The following OLFM4 variants were observed in gnomAD, a reference collection of about 807,000 sequenced individuals.
The protein encoded by OLFM4 is olfactomedin 4, also known as olfactomedin-4.
OLFM4 carries 22 observed loss-of-function variants against 25.5 expected under a neutral mutation model. The ratio of observed to expected loss-of-function variants is 0.86; its 90% CI spans 0.62 to 1.23. The LOEUF (loss-of-function observed/expected upper bound fraction) is 1.23. Among genes scored for constraint, OLFM4 ranks in the 50% most tolerant of loss-of-function variants. The pLI, the probability that OLFM4 is intolerant of heterozygous loss-of-function variation, is 0.00. For synonymous variants in OLFM4, 255 were observed against 237.7 expected (o/e 1.07, Z -0.67); for missense variants, 594 against 619.4 (o/e 0.96, Z 0.44).
At chr13:53,044,066 G>A (rs1261392576) in intron 4 of OLFM4, among the ~76,000 whole-genome samples, 1 of 152,188 alleles carries the variant, frequency 6.6e-6, no homozygotes, top group East Asian at 1.9e-4. Flanking sequence ...ATCCTCATTT[G>A]TAAAATGGGA....
chr13:53,042,681 G>A (rs942444811), intron 3 of OLFM4, among the ~76,000 whole-genome samples: 1 of 152,078 alleles, frequency 6.6e-6, no homozygotes, highest in Non-Finnish European at 1.5e-5. Context: ...AAATTTACTA[G>A]CACAGTCATG....
chr13:53,034,707 A>G (rs2298233), intron 2 of OLFM4, among the ~76,000 whole-genome samples: 96,218 of 151,994 alleles, frequency 0.63, 31,437 homozygotes, highest in African/African-American at 0.8. Context: ...GTGGGGTTCA[A>G]ATTGTTCACG....
rs576070049 is a variant in OLFM4, at chr13:53,050,597, T to G, written c.1359T>G (p.Ile453Met). Residue 453 changes from isoleucine to methionine, a missense_variant, in exon 5 of 5, where the codon ATT becomes ATG. Coordinates refer to ENST00000219022, the MANE Select transcript of OLFM4 (RefSeq NM_006418.5). ...CTATGAACACCAGAACAGAAGAGAT[T>G]TTTTACTATTATGACACAAACACAG... is the stretch of plus-strand genomic sequence containing the variant. The part of the protein sequence containing the change: ...TRTMNTRTEE[I>M]FYYYDTNTGK... 43 of 1,613,924 alleles carry G rather than the reference T, an allele frequency of 2.7e-5. No individual in the cohort carries two copies. The Admixed American group carries it at 5.8e-4, about 22-fold the overall frequency.
At chr13:53,034,719 C>G (rs1040570303) in intron 2 of OLFM4, among the ~76,000 whole-genome samples, 21 of 152,118 alleles carry the variant, frequency 1.4e-4, no homozygotes, top group Admixed American at 6.5e-5. Flanking sequence ...TTGTTCACGC[C>G]GTGGATAAAC....
chr13:53,032,303 T>C (rs1471582317), intron 1 of OLFM4, among the ~76,000 whole-genome samples: 1 of 152,196 alleles, frequency 6.6e-6, no homozygotes, highest in Non-Finnish European at 1.5e-5. Context: ...ACCCTGTTTG[T>C]GCAGCTAATT....
rs776084147 is a variant in OLFM4, at chr13:53,050,255, C to T, written c.1017C>T (p.Tyr339=). Residue 339 remains tyrosine, a synonymous_variant, in exon 5 of 5, where the codon TAC becomes TAT. Coordinates refer to ENST00000219022, the MANE Select transcript of OLFM4 (RefSeq NM_006418.5). The part of the protein sequence containing the change: ...SGTAVYNNNM[Y]VNMYNTGNIA... ...CAGCAGTTTACAACAACAACATGTA[C>T]GTCAACATGTACAACACCGGGAATA... is the stretch of plus-strand genomic sequence containing the variant. 25 of 1,613,872 alleles carry T rather than the reference C, an allele frequency of 1.5e-5. No individual in the cohort carries two copies. The highest frequency in any genetic ancestry group is 1.6e-4 in the Middle Eastern group (1 of 6,082).
rs761958261 is a variant in OLFM4 at position 53,050,245 on chromosome 13, ACAACATGTACGT to A, written c.1018_1029del (p.Val340_Tyr343del). The A allele has an allele frequency of 3.7e-6, 6 of 1,614,130 alleles. No individual in the cohort carries two copies. The highest frequency in any genetic ancestry group is 4.5e-5 in the East Asian group (2 of 44,878). On this transcript the variant is annotated inframe_deletion, in exon 5 of 5. Coordinates refer to ENST00000219022, the MANE Select transcript of OLFM4 (RefSeq NM_006418.5). ...GGTAGTGGTACAGCAGTTTACAACA[ACAACATGTACGT>A]CAACATGTACAACACCGGGAATATT...
chr13:53,041,885 C>T, intron 2 of OLFM4, 25 bp from the exon 3 acceptor site: 3 of 1,581,996 alleles, frequency 1.9e-6, no homozygotes, highest in Non-Finnish European at 2.6e-6. Context: ...AGGGAATTGG[C>T]TTGAACCTTT....
Position 53,029,176 on chromosome 13 carries a change from C to G in OLFM4, c.204+136C>G, listed in dbSNP as rs920229323. The G allele has an allele frequency of 5.5e-6, 7 of 1,278,978 alleles. No individual in the cohort carries two copies. The African/African-American group carries it at 7.4e-5, about 14-fold the overall frequency. The allele number at this position is 1,278,978 out of a possible 1,614,324, so 79.2% of individuals were successfully genotyped here. ...CGACTCATTTTGTTAACTATAGGTG[C>G]CCCGGAAATGAATTAAAGCCTCAGT... On this transcript the variant is annotated intron_variant, in intron 1 of 4. Coordinates refer to ENST00000219022, the MANE Select transcript of OLFM4 (RefSeq NM_006418.5).
intron 1 of OLFM4, among the ~76,000 whole-genome samples, chr13:53,034,056 CAAA>C (rs397851637): frequency 2.4e-5 from 1 of 41,066 alleles, no homozygotes; most frequent in African/African-American, 7.2e-5. Flanking sequence ...GACTCCGTCT[CAAA>C]AAAAAAAAAA....
chr13:53,031,588 A>G lies in OLFM4; in HGVS notation c.204+2548A>G, dbSNP rs116784484. Among the ~76,000 whole-genome samples, 1,507 of 152,304 alleles carry G rather than the reference A, an allele frequency of 9.9e-3. 18 individuals carry two copies. The highest frequency in any genetic ancestry group is 0.032 in the African/African-American group (1,348 of 41,560). On this transcript the variant is annotated intron_variant, in intron 1 of 4. Coordinates refer to ENST00000219022, the MANE Select transcript of OLFM4 (RefSeq NM_006418.5). Reference sequence around the variant, plus strand: ...ATGCTCACTCCACAGAGTAACTGGTATAGTTGGAACTGCAACGAGTCACGT... The same window carrying G: ...ATGCTCACTCCACAGAGTAACTGGTGTAGTTGGAACTGCAACGAGTCACGT...
intron 1 of OLFM4, among the ~76,000 whole-genome samples, chr13:53,034,104 C>G (rs1456506698): frequency 1.3e-5 from 2 of 149,616 alleles, no homozygotes; most frequent in Non-Finnish European, 3.0e-5. Context: ...GGGAATCTTC[C>G]TTTAGGTAAA....
Position 53,045,102 on chromosome 13 carries a change from C to T in OLFM4, c.730+1838C>T, listed in dbSNP as rs372040605. 1.3e-4 allele frequency among the ~76,000 whole-genome samples: 20 copies of T among 152,258 alleles called. No individual in the cohort carries two copies. In the East Asian group the frequency reaches 3.9e-3, roughly 29 times the overall value. The stretch of plus-strand genomic sequence containing the variant: ...AGAAGCTGCAAGGCAAGGGTCTTTG[C>T]TCCCTGGTCAGTTCAGGACCGAAGG... On this transcript the variant is annotated intron_variant, in intron 4 of 4. Transcript: ENST00000219022.
chr13:53,034,263 C>A, intron 1 of OLFM4, 85 bp from the exon 2 acceptor site: 1 of 1,405,504 alleles, frequency 7.1e-7, no homozygotes, highest in Non-Finnish European at 9.8e-7. Flanking sequence ...TGTAAGTACT[C>A]TCGACAAGCC....
intron 2 of OLFM4, among the ~76,000 whole-genome samples, chr13:53,038,187 G>A (rs564856566): frequency 6.6e-6 from 1 of 152,210 alleles, no homozygotes; most frequent in African/African-American, 2.4e-5. Flanking sequence ...ATGTTTAGCA[G>A]CGTCCCTGGT....
intron 2 of OLFM4, among the ~76,000 whole-genome samples, chr13:53,037,139 G>A (rs1375062313): frequency 6.6e-6 from 1 of 152,252 alleles, no homozygotes; most frequent in Admixed American, 6.5e-5. Flanking sequence ...AGTAGAAAAG[G>A]TTTTTGACTG....
In OLFM4 at chr13:53,050,827, C is replaced by A; in HGVS notation, c.*56C>A. On this transcript the variant is annotated 3_prime_UTR_variant, in exon 5 of 5. Transcript: ENST00000219022. ...TGTTTGTTGAAAAAATAGTCTTCTCCACTTACTTAGATATCTGCAGGGGTG... is the reference window on the plus strand; with the variant it reads ...TGTTTGTTGAAAAAATAGTCTTCTCAACTTACTTAGATATCTGCAGGGGTG... 1 of 1,455,530 alleles carries A rather than the reference C, an allele frequency of 6.9e-7. No individual in the cohort carries two copies. 90.2% of individuals were successfully genotyped at this position (1,455,530 alleles called of 1,614,324 possible). A position where few individuals can be genotyped will look rare whatever the true frequency, so the allele number is the denominator to read the frequency against.
chr13:53,049,093 C>T (rs1476458710), intron 4 of OLFM4, among the ~76,000 whole-genome samples: 12 of 152,128 alleles, frequency 7.9e-5, no homozygotes. Flanking sequence ...TCTTGTCCCA[C>T]TTGATTGTAC....
In OLFM4 at chr13:53,047,977, A is replaced by G. The variant is rs1322684125; in HGVS notation, c.731-1992A>G. On this transcript the variant is annotated intron_variant, in intron 4 of 4. Transcript: ENST00000219022. Reference sequence around the variant, plus strand: ...CAAACAATTATTGTCTTCCAACCTGAAAGAAAAAAAAGTGACTTTCCTCAG... The same window carrying G: ...CAAACAATTATTGTCTTCCAACCTGGAAGAAAAAAAAGTGACTTTCCTCAG... Among the ~76,000 whole-genome samples the G allele has an allele frequency of 2.0e-5, 3 of 152,304 alleles. No homozygotes were observed. The East Asian group carries it at 5.8e-4, about 29-fold the overall frequency.
Sources: allele counts gnomAD v4.1 joint callset (sites outside exome capture counted in the v4.1 genomes callset), GRCh38; gene constraint gnomAD v4.1.1; transcripts MANE v1.5; gene names NCBI Gene and HGNC (gene_info 2026-07-23, HGNC 2026-07-21).